Variants in CCDC192 observed in about 807,000 individuals in gnomAD.
CCDC192 encodes the protein coiled-coil domain containing 192.
At chr5:127,881,516 GTTCCAAAATAT>G (rs1481876596) in intron 6 of CCDC192, among the ~76,000 whole-genome samples, 2 of 152,180 alleles carry the variant, frequency 1.3e-5, no homozygotes, top group Non-Finnish European at 2.9e-5. Context: ...TCAGAGGGAT[GTTCCAAAATAT>G]TAGGAATATT....
intron 5 of CCDC192, among the ~76,000 whole-genome samples, chr5:127,870,286 T>C (rs956022071): frequency 3.3e-5 from 5 of 152,200 alleles, no homozygotes; most frequent in African/African-American, 1.2e-4. Context: ...TCTCTAAAGA[T>C]ATCTTGGCAA....
At chr5:127,921,114 A>AAAG (rs752554202) in intron 6 of CCDC192, among the ~76,000 whole-genome samples, 2 of 125,596 alleles carry the variant, frequency 1.6e-5, no homozygotes, top group African/African-American at 7.1e-5. Context: ...AAAGGAAAGG[A>AAAG]GAAAGGAGAG....
chr5:127,770,366 C>T (rs1315644184), intron 3 of CCDC192, among the ~76,000 whole-genome samples: 1 of 152,194 alleles, frequency 6.6e-6, no homozygotes, highest in South Asian at 2.1e-4. Flanking sequence ...TACAATCCCC[C>T]CAAAGGAATT....
At chr5:127,905,537 G>A (rs1189961972) in intron 6 of CCDC192, among the ~76,000 whole-genome samples, 1 of 152,118 alleles carries the variant, frequency 6.6e-6, no homozygotes, top group Non-Finnish European at 1.5e-5. Flanking sequence ...TTCATGTCAA[G>A]TTCACAATTT....
intron 6 of CCDC192, among the ~76,000 whole-genome samples, chr5:127,899,791 G>A (rs1044927216): frequency 6.6e-5 from 10 of 152,050 alleles, no homozygotes; most frequent in Non-Finnish European, 1.3e-4. Context: ...GTTTATCTTC[G>A]AATATTTACC....
At chr5:127,842,322 C>G (rs866019104) in intron 5 of CCDC192, among the ~76,000 whole-genome samples, 2 of 152,274 alleles carry the variant, frequency 1.3e-5, no homozygotes, top group Middle Eastern at 3.4e-3. Flanking sequence ...TCAAGGGATC[C>G]TCCTAGGAGC....
At chr5:127,883,219 C>T (rs1752424703) in intron 6 of CCDC192, among the ~76,000 whole-genome samples, 1 of 152,260 alleles carries the variant, frequency 6.6e-6, no homozygotes, top group Admixed American at 6.5e-5. Context: ...AGAGATGTCT[C>T]CCCCACAGGA....
At chr5:127,836,143 G>T (rs1750024141) in intron 5 of CCDC192, among the ~76,000 whole-genome samples, 1 of 152,170 alleles carries the variant, frequency 6.6e-6, no homozygotes, top group Admixed American at 6.5e-5. Flanking sequence ...GGAGAAATTG[G>T]CCAGAATGAA....
rs1219799818 is a variant in CCDC192 at position 127,763,071 on chromosome 5, C to CAGCAGATAA, written c.222+8696_222+8697insAGCAGATAA. Among the ~76,000 whole-genome samples the CAGCAGATAA allele has an allele frequency of 6.9e-3, 1,051 of 152,174 alleles. 11 individuals are homozygous for CAGCAGATAA. Among genetic ancestry groups the CAGCAGATAA allele is most frequent in the African/African-American group, 0.024 (992 of 41,492 alleles). On this transcript the variant is annotated intron_variant, in intron 3 of 6. Coordinates refer to ENST00000514853, the MANE Select transcript of CCDC192 (RefSeq NM_001317938.2). ...CTTGTCTGCTCCTTCTATAGACTCT[C>CAGCAGATAA]CTTGGTGATCTGACTTTAGCATACA...
intron 3 of CCDC192, among the ~76,000 whole-genome samples, chr5:127,771,484 G>A (rs1019011336): frequency 2.0e-5 from 3 of 152,192 alleles, no homozygotes; most frequent in African/African-American, 7.2e-5. Flanking sequence ...AGAGTTCAGT[G>A]GACACCTTTC....
intron 5 of CCDC192, among the ~76,000 whole-genome samples, chr5:127,867,526 C>A (rs1352307558): frequency 2.0e-5 from 3 of 152,154 alleles, no homozygotes; most frequent in South Asian, 4.1e-4. Flanking sequence ...AGAGGTGGGG[C>A]TAAGAAACTG....
At chr5:127,705,442 C>T (rs181229578) in intron 1 of CCDC192, among the ~76,000 whole-genome samples, 4 of 152,206 alleles carry the variant, frequency 2.6e-5, no homozygotes, top group South Asian at 2.1e-4. Flanking sequence ...TGGTTTCATT[C>T]GGTGACTGAA....
chr5:127,734,258 A>G (rs1288611522), intron 2 of CCDC192, among the ~76,000 whole-genome samples: 1 of 151,812 alleles, frequency 6.6e-6, no homozygotes, highest in Non-Finnish European at 1.5e-5. Context: ...ACATGAACTC[A>G]TCACTTTTTA....
intron 3 of CCDC192, among the ~76,000 whole-genome samples, chr5:127,763,604 C>T (rs1755050834): frequency 6.6e-6 from 1 of 152,066 alleles, no homozygotes; most frequent in Non-Finnish European, 1.5e-5. Flanking sequence ...CAAATCTGTC[C>T]TCTAACAGAT....
intron 6 of CCDC192, among the ~76,000 whole-genome samples, chr5:127,880,491 T>A (rs918121750): frequency 1.4e-5 from 2 of 147,456 alleles, no homozygotes; most frequent in African/African-American, 5.0e-5. Flanking sequence ...CTGGGAGATA[T>A]ACCTAATGCT....
intron 2 of CCDC192, among the ~76,000 whole-genome samples, chr5:127,743,831 C>T (rs1753574487): frequency 6.6e-6 from 1 of 152,090 alleles, no homozygotes; most frequent in African/African-American, 2.4e-5. Context: ...TGGCTCACGC[C>T]TGTAATCCCT....
Position 127,889,903 on chromosome 5 carries a change from A to G in CCDC192, c.535+14242A>G, listed in dbSNP as rs151230959. Among the ~76,000 whole-genome samples the G allele has an allele frequency of 3.9e-3, 595 of 151,532 alleles. 3 individuals are homozygous for G. The highest frequency in any genetic ancestry group is 0.014 in the African/African-American group (558 of 41,292). On this transcript the variant is annotated intron_variant, in intron 6 of 6. Coordinates refer to ENST00000514853, the MANE Select transcript of CCDC192 (RefSeq NM_001317938.2). ...TAAATTTTTTTTTTTTTTGGATCCA[A>G]TATTCAAGGTAACTTTTCTGGTTCT...
chr5:127,898,211 T>A (rs1304727278), intron 6 of CCDC192, among the ~76,000 whole-genome samples: 2 of 151,856 alleles, frequency 1.3e-5, no homozygotes, highest in Admixed American at 6.6e-5. Context: ...TGGGTTCAAG[T>A]GATTCTCCTG....
intron 6 of CCDC192, among the ~76,000 whole-genome samples, chr5:127,934,252 C>T (rs1325215575): frequency 6.6e-6 from 1 of 152,202 alleles, no homozygotes; most frequent in Admixed American, 6.5e-5. Context: ...GGGCCTGTTG[C>T]TAGGTGAAAA....
Sources: allele counts gnomAD v4.1 joint callset (sites outside exome capture counted in the v4.1 genomes callset), GRCh38; gene constraint gnomAD v4.1.1; transcripts MANE v1.5; gene names NCBI Gene and HGNC (gene_info 2026-07-23, HGNC 2026-07-21).